Variants in INPP5A observed in about 807,000 individuals in gnomAD.
The protein encoded by INPP5A is inositol polyphosphate-5-phosphatase A.
In INPP5A, 14 loss-of-function variants were observed where a neutral mutation model predicts 65.2. The observed-to-expected ratio is 0.21, with a 90% confidence interval of 0.14 to 0.34. The LOEUF (loss-of-function observed/expected upper bound fraction) is 0.34. INPP5A is among the 10% of genes least tolerant of loss of function. The pLI, the probability that INPP5A is intolerant of heterozygous loss-of-function variation, is 1.00. For synonymous variants in INPP5A, 207 were observed against 208.3 expected (o/e 0.99, Z 0.05); for missense variants, 431 against 545.6 (o/e 0.79, Z 2.09).
At chr10:132,695,341 G>A (rs1307872456) in intron 5 of INPP5A, among the ~76,000 whole-genome samples, 1 of 152,134 alleles carries the variant, frequency 6.6e-6, no homozygotes, top group Admixed American at 6.5e-5. Flanking sequence ...GAATAGAGGG[G>A]AAGTTCCTCA....
chr10:132,611,909 T>G (rs1267498738), intron 2 of INPP5A, among the ~76,000 whole-genome samples: 211 of 21,342 alleles, frequency 9.9e-3, no homozygotes, highest in Non-Finnish European at 0.011. Flanking sequence ...GAGGAGGGTG[T>G]GGGAGGTGAG....
At chr10:132,776,820 G>A (rs1447221219) in intron 12 of INPP5A, among the ~76,000 whole-genome samples, 1 of 152,196 alleles carries the variant, frequency 6.6e-6, no homozygotes, top group African/African-American at 2.4e-5. Context: ...AGACTCGGCG[G>A]GTAGTGGGGG....
intron 9 of INPP5A, among the ~76,000 whole-genome samples, chr10:132,747,274 T>C (rs1294287862): frequency 6.6e-6 from 1 of 152,252 alleles, no homozygotes; most frequent in East Asian, 1.9e-4. Flanking sequence ...GTGCTTGTTC[T>C]AATCCTCACG....
intron 4 of INPP5A, among the ~76,000 whole-genome samples, chr10:132,681,332 A>G (rs1246742674): frequency 6.6e-6 from 1 of 152,170 alleles, no homozygotes; most frequent in Non-Finnish European, 1.5e-5. Flanking sequence ...CGCTCTTTGC[A>G]ATAAATCTTG....
intron 14 of INPP5A, 151 bp downstream of exon 14, chr10:132,781,068 C>T (rs1847153444): frequency 1.5e-6 from 1 of 649,842 alleles, no homozygotes; most frequent in Non-Finnish European, 2.8e-6. Context: ...CTCCTGTCTT[C>T]TTAGTCTGAC....
rs376790367 is a variant in INPP5A at position 132,765,789 on chromosome 10, A to G, written c.920A>G (p.Lys307Arg). Residue 307 changes from lysine (K) to arginine (R), a missense_variant, in exon 12 of 16, where the codon AAG becomes AGG. Coordinates refer to ENST00000368594, the MANE Select transcript of INPP5A (RefSeq NM_005539.5). ...TTTCTTTAGCTCTTGGAGTTTGACAAGGAGTTGTCTGTCTTTAAGGACAGA... is the reference window on the plus strand; with the variant it reads ...TTTCTTTAGCTCTTGGAGTTTGACAGGGAGTTGTCTGTCTTTAAGGACAGA... The part of the protein sequence containing the change: ...NNGTALLEFD[K>R]ELSVFKDRLY... 3.0e-5 allele frequency: 48 copies of G among 1,601,642 alleles called. No homozygotes were observed. Among genetic ancestry groups the G allele is most frequent in the Non-Finnish European group, 3.8e-5 (44 of 1,168,682 alleles).
At chr10:132,567,353 C>A (rs568503872) in intron 1 of INPP5A, among the ~76,000 whole-genome samples, 33 of 152,312 alleles carry the variant, frequency 2.2e-4, no homozygotes, top group African/African-American at 7.7e-4. Flanking sequence ...ACTATGTTCC[C>A]CAAGATGGTC....
intron 8 of INPP5A, among the ~76,000 whole-genome samples, chr10:132,722,906 T>G (rs935831688): frequency 6.6e-6 from 1 of 152,318 alleles, no homozygotes. Context: ...GAACAACTGT[T>G]TTTTTTTCTC....
chr10:132,723,443 G>C, intron 8 of INPP5A, among the ~76,000 whole-genome samples: 1 of 146,140 alleles, frequency 6.8e-6, no homozygotes, highest in South Asian at 2.1e-4. Context: ...GGCCATGTGG[G>C]GATTGGCCGT....
At chr10:132,687,946 C>G (rs1845167207) in intron 4 of INPP5A, among the ~76,000 whole-genome samples, 1 of 152,238 alleles carries the variant, frequency 6.6e-6, no homozygotes, top group Non-Finnish European at 1.5e-5. Flanking sequence ...GAAGTGTGTT[C>G]TGTCAGAGGG....
intron 12 of INPP5A, among the ~76,000 whole-genome samples, 197 bp downstream of exon 12, chr10:132,766,043 T>C (rs756028093): frequency 4.6e-5 from 7 of 152,172 alleles, no homozygotes; most frequent in Non-Finnish European, 8.8e-5. Context: ...CACAGGTGCG[T>C]CTGTGTGTGA....
rs940472253 is a variant in INPP5A, at chr10:132,705,639, G to C, written c.475-2674G>C. Among the ~76,000 whole-genome samples the C allele has an allele frequency of 1.3e-5, 2 of 152,220 alleles. No homozygotes were observed. Among genetic ancestry groups the C allele is most frequent in the African/African-American group, 4.8e-5 (2 of 41,456 alleles). ...GCCTAAAGCTGCTCTGAAAAATAAA[G>C]CCTATTACTTCTTTAAAAGTCTGCT... On this transcript the variant is annotated intron_variant, in intron 6 of 15. Coordinates refer to ENST00000368594, the MANE Select transcript of INPP5A (RefSeq NM_005539.5). This position sits in a 1 kb window ranked among gnomAD's most constrained non-coding sequence, Gnocchi z 4.9.
rs546380988 is a variant in INPP5A at position 132,564,272 on chromosome 10, G to A, written c.75+26101G>A. Among the ~76,000 whole-genome samples, 3 of 152,176 alleles carry A rather than the reference G, an allele frequency of 2.0e-5. No individual in the cohort carries two copies. The East Asian group carries it at 5.8e-4, about 29-fold the overall frequency. ...GTGACACATGATCCTGGGGAGGGAA[G>A]GCGAGGGTCCCAGGGGACCTCTTAC... On this transcript the variant is annotated intron_variant, in intron 1 of 15. Coordinates refer to ENST00000368594, the MANE Select transcript of INPP5A (RefSeq NM_005539.5).
rs975215545 is a variant in INPP5A at position 132,549,775 on chromosome 10, C to A, written c.75+11604C>A. Among the ~76,000 whole-genome samples, 29 of 152,268 alleles carry A rather than the reference C, an allele frequency of 1.9e-4. No individual in the cohort carries two copies. The highest frequency in any genetic ancestry group is 6.3e-4 in the African/African-American group (26 of 41,466). ...GGGTTCCTGCAGCCCCCACTCTCTG[C>A]CCCTGGTCTGAATGGTGGGGTTGGT... is the stretch of plus-strand genomic sequence containing the variant. On this transcript the variant is annotated intron_variant, in intron 1 of 15. Coordinates refer to ENST00000368594, the MANE Select transcript of INPP5A (RefSeq NM_005539.5). This position sits in a 1 kb window ranked among gnomAD's most constrained non-coding sequence, Gnocchi z 4.9.
At chr10:132,613,841 G>A (rs773353487) in intron 2 of INPP5A, among the ~76,000 whole-genome samples, 1 of 152,240 alleles carries the variant, frequency 6.6e-6, no homozygotes, top group Non-Finnish European at 1.5e-5. Context: ...GCAAGGGGTG[G>A]ATGAGATGCC....
At chr10:132,561,260 T>C (rs191414385) in intron 1 of INPP5A, among the ~76,000 whole-genome samples, 30 of 152,152 alleles carry the variant, frequency 2.0e-4, no homozygotes, top group Admixed American at 2.0e-3. Context: ...TCAGCTATCA[T>C]AACCAGAAGC....
chr10:132,605,492 G>A (rs1430661136), intron 1 of INPP5A, among the ~76,000 whole-genome samples: 2 of 150,712 alleles, frequency 1.3e-5, no homozygotes, highest in African/African-American at 2.4e-5. Flanking sequence ...GAAGGGGCTG[G>A]GGATGGGGAG....
chr10:132,626,597 C>T (rs1469720666), intron 2 of INPP5A, among the ~76,000 whole-genome samples: 8 of 152,234 alleles, frequency 5.3e-5, no homozygotes, highest in Non-Finnish European at 1.0e-4. Context: ...TTCTTTCTCT[C>T]TGTTCTGAAG....
At chr10:132,689,429 T>A (rs1845218243) in intron 4 of INPP5A, among the ~76,000 whole-genome samples, 1 of 152,220 alleles carries the variant, frequency 6.6e-6, no homozygotes, top group South Asian at 2.1e-4. Flanking sequence ...CACACAGCTA[T>A]CTCCTATGAG....
Sources: gnomAD v4.1 joint callset for allele counts (sites outside exome capture counted in the v4.1 genomes callset) on GRCh38, gnomAD v4.1.1 for gene constraint, Gnocchi (gnomAD v3.1) non-coding constraint, MANE v1.5 for transcripts, NCBI Gene and HGNC (gene_info 2026-07-23, HGNC 2026-07-21) for gene names.